Variants in LRRC4C observed in about 807,000 individuals in gnomAD.
The protein encoded by LRRC4C is leucine-rich repeat-containing protein 4C.
Under a neutral mutation model 33.6 loss-of-function variants are expected in LRRC4C, and 5 were observed. That is an observed-to-expected ratio of 0.15 (90% CI 0.08 to 0.31). The LOEUF is 0.31. LRRC4C is among the 10% of genes least tolerant of loss of function. The probability of loss-of-function intolerance (pLI) is 1.00; values close to 1 mark genes in which losing one functional copy is unlikely to be tolerated. For missense variants in LRRC4C, 560 were observed against 796.7 expected (o/e 0.70, Z 3.58); for synonymous variants, 329 against 302.0 (o/e 1.09, Z -0.93).
At chr11:40,679,565 C>A (rs1944573665) in intron 2 of LRRC4C, among the ~76,000 whole-genome samples, 1 of 152,166 alleles carries the variant, frequency 6.6e-6, no homozygotes, top group Non-Finnish European at 1.5e-5. Flanking sequence ...TGGGGCCTTG[C>A]ATCCCAGCAT....
intron 4 of LRRC4C, among the ~76,000 whole-genome samples, chr11:40,300,146 G>T (rs982601508): frequency 6.6e-6 from 1 of 152,114 alleles, no homozygotes; most frequent in African/African-American, 2.4e-5. Flanking sequence ...TAAATGACAA[G>T]ATTTCACAAG....
intron 6 of LRRC4C, among the ~76,000 whole-genome samples, chr11:40,124,171 A>G (rs1590432766): frequency 6.6e-6 from 1 of 152,166 alleles, no homozygotes; most frequent in South Asian, 2.1e-4. Flanking sequence ...ACAGTAACAA[A>G]TGCTGGTGAG....
At chr11:40,988,719 T>TC (rs1565275756) in intron 1 of LRRC4C, among the ~76,000 whole-genome samples, 2 of 142,118 alleles carry the variant, frequency 1.4e-5, no homozygotes, top group African/African-American at 5.2e-5. Flanking sequence ...TTTTCTTTTT[T>TC]TTTTTTTTTT....
At chr11:40,125,381 A>G (rs973315800) in intron 6 of LRRC4C, among the ~76,000 whole-genome samples, 3 of 152,324 alleles carry the variant, frequency 2.0e-5, no homozygotes, top group East Asian at 1.9e-4. Context: ...GAAAAAATGG[A>G]AAGAACTTAT....
intron 2 of LRRC4C, among the ~76,000 whole-genome samples, chr11:40,763,191 A>G (rs868545358): frequency 5.9e-5 from 9 of 151,612 alleles, no homozygotes; most frequent in South Asian, 4.2e-4. Flanking sequence ...TTAGATGTTC[A>G]TTTGTGTTGG....
At chr11:41,038,524 G>A (rs1249811450) in intron 1 of LRRC4C, among the ~76,000 whole-genome samples, 1 of 151,806 alleles carries the variant, frequency 6.6e-6, no homozygotes, top group South Asian at 2.1e-4. Context: ...AAGTTTTGTC[G>A]CTGCCTACTT....
At chr11:40,868,586 CT>C in intron 2 of LRRC4C, among the ~76,000 whole-genome samples, 1 of 150,444 alleles carries the variant, frequency 6.6e-6, no homozygotes, top group East Asian at 1.9e-4. Context: ...CGATACCTTT[CT>C]ATTTCCCTGC....
chr11:40,664,332 G>C (rs1289621736), intron 2 of LRRC4C, among the ~76,000 whole-genome samples: 1 of 152,108 alleles, frequency 6.6e-6, no homozygotes, highest in Non-Finnish European at 1.5e-5. Flanking sequence ...ATCGCCTGAG[G>C]TCAGGAGTTC....
intron 3 of LRRC4C, among the ~76,000 whole-genome samples, chr11:40,479,546 G>C (rs1953432241): frequency 6.6e-6 from 1 of 152,138 alleles, no homozygotes; most frequent in Non-Finnish European, 1.5e-5. Flanking sequence ...TGTCAGGGAA[G>C]AACTGGATCA....
At chr11:41,108,778 G>A (rs1226543133) in intron 1 of LRRC4C, among the ~76,000 whole-genome samples, 2 of 152,102 alleles carry the variant, frequency 1.3e-5, no homozygotes, top group African/African-American at 4.8e-5. Flanking sequence ...TAGAAGTGAA[G>A]TAAACCTTTC....
intron 4 of LRRC4C, among the ~76,000 whole-genome samples, chr11:40,242,349 G>T (rs1947356): frequency 6.6e-6 from 1 of 151,982 alleles, no homozygotes; most frequent in Non-Finnish European, 1.5e-5. Flanking sequence ...GTATGGGACA[G>T]TATCTTTGAA....
intron 2 of LRRC4C, among the ~76,000 whole-genome samples, chr11:40,671,696 G>GTGTA (rs775471373): frequency 3.0e-5 from 4 of 134,290 alleles, no homozygotes; most frequent in Admixed American, 8.0e-5. Context: ...ATATATGTGT[G>GTGTA]TATATATATA....
In LRRC4C at chr11:40,651,812, A is replaced by T. The variant is rs11035993; in HGVS notation, c.-406-3534T>A. ...TGACTTCCTTCTCCACTGTGGAAGA[A>T]GCTAGTTTTGCTTGCATTTATGTAT... On this transcript the variant is annotated intron_variant, in intron 2 of 6. Coordinates refer to ENST00000528697, the MANE Select transcript of LRRC4C (RefSeq NM_001258419.2). 1.7e-3 allele frequency among the ~76,000 whole-genome samples: 266 copies of T among 152,316 alleles called. 2 individuals are homozygous for T. Among genetic ancestry groups the T allele is most frequent in the Non-Finnish European group, 2.9e-3 (200 of 68,028 alleles).
intron 3 of LRRC4C, among the ~76,000 whole-genome samples, chr11:40,534,033 T>C (rs1956376329): frequency 6.6e-6 from 1 of 152,164 alleles, no homozygotes; most frequent in Non-Finnish European, 1.5e-5. Context: ...TTAGGAACAT[T>C]GTTATGAACT....
intron 4 of LRRC4C, among the ~76,000 whole-genome samples, chr11:40,259,765 A>T (rs1867538599): frequency 6.6e-6 from 1 of 151,972 alleles, no homozygotes; most frequent in South Asian, 2.1e-4. Context: ...TGTTCCATTG[A>T]TCTATATCTC....
At chr11:40,767,039 A>T (rs1460654922) in intron 2 of LRRC4C, among the ~76,000 whole-genome samples, 1 of 152,082 alleles carries the variant, frequency 6.6e-6, no homozygotes. Context: ...GATGGAGAAA[A>T]AAAAAAGAAA....
intron 1 of LRRC4C, among the ~76,000 whole-genome samples, chr11:41,009,163 A>G (rs1854987205): frequency 6.6e-6 from 1 of 152,022 alleles, no homozygotes. Flanking sequence ...TTGATCACAC[A>G]CACATATTTT....
chr11:41,083,057 T>A (rs1021457768), intron 1 of LRRC4C, among the ~76,000 whole-genome samples: 2 of 152,052 alleles, frequency 1.3e-5, no homozygotes, highest in East Asian at 1.9e-4. Context: ...AGCCTACTAA[T>A]GTTAGGGCAC....
intron 1 of LRRC4C, among the ~76,000 whole-genome samples, chr11:41,295,850 A>G (rs1438908923): frequency 1.3e-5 from 2 of 152,224 alleles, no homozygotes; most frequent in East Asian, 1.9e-4. Context: ...TCATTTAGAC[A>G]TCTATTGGCA....
Sources: gnomAD v4.1 joint callset for allele counts (sites outside exome capture counted in the v4.1 genomes callset) on GRCh38, gnomAD v4.1.1 for gene constraint, MANE v1.5 for transcripts, NCBI Gene and HGNC (gene_info 2026-07-23, HGNC 2026-07-21) for gene names.